The following SUB1 variants were observed in gnomAD, a reference collection of about 807,000 sequenced individuals.
SUB1 encodes the protein activated RNA polymerase II transcriptional coactivator p15.
SUB1 carries 1 observed loss-of-function variant against 16.9 expected under a neutral mutation model. That is an observed-to-expected ratio of 0.06 (90% CI 0.02 to 0.28). The LOEUF (loss-of-function observed/expected upper bound fraction) is 0.28. Among genes scored for constraint, SUB1 ranks in the 10% least tolerant of loss-of-function variants. SUB1 has a pLI of 1.00. For missense variants in SUB1, 84 were observed against 145.2 expected, an observed-to-expected ratio of 0.58 and a Z score of 2.16; for synonymous variants, 51 against 46.9, an observed-to-expected ratio of 1.09 and a Z score of -0.36.
chr5:32,599,114 C>A (rs1403995312), intron 4 of SUB1, 45 bp downstream of exon 4: 4 of 1,454,532 alleles, frequency 2.8e-6, no homozygotes, highest in African/African-American at 2.8e-5. Flanking sequence ...TAGGACTAAA[C>A]GACAACTTTT....
At chr5:32,598,775 T>A in intron 3 of SUB1, 186 bp from the exon 4 acceptor site, 1 of 414,018 alleles carries the variant, frequency 2.4e-6, no homozygotes, top group Non-Finnish European at 4.3e-6. Flanking sequence ...CCAGTATATT[T>A]ATTGAAAAAA....
rs775021800 is a variant in SUB1, at chr5:32,591,537, C to T, written c.73-26C>T. 1.1e-5 allele frequency: 18 copies of T among 1,569,944 alleles called. No individual in the cohort carries two copies. The South Asian group carries it at 2.1e-4, about 19-fold the overall frequency. ...GGGGTATGTTTTATTTTTATGTGTG[C>T]AAATTTTAACCATATTCTTTTCTAG... On this transcript the variant is annotated intron_variant, in intron 2 of 4. Coordinates refer to ENST00000265073, the MANE Select transcript of SUB1 (RefSeq NM_006713.4).
At chr5:32,587,540 C>G (rs1454623899) in intron 1 of SUB1, among the ~76,000 whole-genome samples, 1 of 151,770 alleles carries the variant, frequency 6.6e-6, no homozygotes, top group Non-Finnish European at 1.5e-5. Context: ...TAAATAGGTT[C>G]TTCAAATTTT....
intron 3 of SUB1, among the ~76,000 whole-genome samples, 190 bp downstream of exon 3, chr5:32,591,875 T>G (rs1410692196): frequency 6.6e-6 from 1 of 152,082 alleles, no homozygotes; most frequent in Non-Finnish European, 1.5e-5. Flanking sequence ...AATTTTTGTA[T>G]TTTTAGTAGA....
At chr5:32,591,082 A>T (rs1445196551) in intron 2 of SUB1, among the ~76,000 whole-genome samples, 1 of 152,112 alleles carries the variant, frequency 6.6e-6, no homozygotes, top group Non-Finnish European at 1.5e-5. Flanking sequence ...AAATTCCTTA[A>T]GCCAGCATAA....
chr5:32,595,678 A>G (rs1738943985), intron 3 of SUB1: 1 of 152,198 alleles, frequency 6.6e-6, no homozygotes, highest in African/African-American at 2.4e-5. Flanking sequence ...TACCAGATAC[A>G]TTTGCTGAGT....
intron 3 of SUB1, chr5:32,594,445 A>T (rs1738904885): frequency 3.3e-6 from 1 of 300,488 alleles, no homozygotes; most frequent in Non-Finnish European, 6.9e-6. Context: ...AGTTTATTTG[A>T]TGATTTAAGG....
At chr5:32,596,557 T>C (rs1229785336) in intron 3 of SUB1, 1 of 152,238 alleles carries the variant, frequency 6.6e-6, no homozygotes, top group Non-Finnish European at 1.5e-5. Flanking sequence ...GTAGAATTAA[T>C]TTCTCTGTGT....
chr5:32,589,688 G>A (rs1465478703), intron 2 of SUB1, among the ~76,000 whole-genome samples: 2 of 152,110 alleles, frequency 1.3e-5, no homozygotes, highest in Non-Finnish European at 2.9e-5. Flanking sequence ...GTCTTTTATC[G>A]CATAGAACTT....
intron 1 of SUB1, among the ~76,000 whole-genome samples, chr5:32,586,938 C>T (rs1273093730): frequency 1.3e-5 from 2 of 152,142 alleles, no homozygotes; most frequent in African/African-American, 2.4e-5. Context: ...TATTTTGGAA[C>T]ATATGCAATG....
At chr5:32,592,630 A>T (rs16889953) in intron 3 of SUB1, among the ~76,000 whole-genome samples, 1 of 152,118 alleles carries the variant, frequency 6.6e-6, no homozygotes, top group South Asian at 2.1e-4. Flanking sequence ...AAATTATGCC[A>T]ATTACAAGAT....
intron 1 of SUB1, among the ~76,000 whole-genome samples, 178 bp from the exon 2 acceptor site, chr5:32,588,334 T>C (rs1013915556): frequency 1.3e-5 from 2 of 152,196 alleles, no homozygotes; most frequent in African/African-American, 2.4e-5. Flanking sequence ...CTGCGTGTTA[T>C]TTGCAACTTA....
chr5:32,592,143 A>G (rs1026896983), intron 3 of SUB1, among the ~76,000 whole-genome samples: 3 of 152,262 alleles, frequency 2.0e-5, no homozygotes, highest in African/African-American at 7.2e-5. Context: ...ACAAACTAGT[A>G]AAAGTATTTT....
At chr5:32,592,917 G>A (rs1410442540) in intron 3 of SUB1, among the ~76,000 whole-genome samples, 3 of 152,080 alleles carry the variant, frequency 2.0e-5, no homozygotes, top group Non-Finnish European at 4.4e-5. Context: ...GAGGGTGAAG[G>A]AAAATTAGAA....
chr5:32,586,992 GA>G (rs1181420781), intron 1 of SUB1, among the ~76,000 whole-genome samples: 1 of 152,102 alleles, frequency 6.6e-6, no homozygotes, highest in Non-Finnish European at 1.5e-5. Flanking sequence ...GATTATTTAT[GA>G]TTTTTTTTTA....
chr5:32,589,501 C>T (rs1478746197), intron 2 of SUB1, among the ~76,000 whole-genome samples: 8 of 152,142 alleles, frequency 5.3e-5, no homozygotes, highest in South Asian at 2.1e-4. Context: ...GTGCTCTGGT[C>T]CCTTCCATTT....
chr5:32,588,480 T>C, intron 1 of SUB1, 32 bp from the exon 2 acceptor site: 2 of 1,589,478 alleles, frequency 1.3e-6, no homozygotes, highest in Non-Finnish European at 1.7e-6. Flanking sequence ...GAGTACCTTA[T>C]TAATTATTTT....
rs755822390 is a variant in SUB1, at chr5:32,600,997, TG to T, written c.305-7del. 1.2e-6 allele frequency: 2 copies of T among 1,610,658 alleles called. No individual in the cohort carries two copies. The highest frequency in any genetic ancestry group is 1.3e-5 in the African/African-American group (1 of 74,830). On this transcript the variant is annotated splice_polypyrimidine_tract_variant and splice_region_variant and intron_variant, in intron 4 of 4. Transcript: ENST00000265073. ...TTTTCACCTTTGAATTTTTAAACTT[TG>T]TTTTAGGTATTTCTTTAAATCCAGA...
chr5:32,596,198 TTC>T (rs537505941), intron 3 of SUB1: 17 of 152,370 alleles, frequency 1.1e-4, no homozygotes, highest in African/African-American at 4.1e-4. Context: ...GTGACAGATC[TTC>T]TCTCTCTTGG....
Sources: allele counts gnomAD v4.1 joint callset (sites outside exome capture counted in the v4.1 genomes callset), GRCh38; gene constraint gnomAD v4.1.1; transcripts MANE v1.5; gene names NCBI Gene and HGNC (gene_info 2026-07-23, HGNC 2026-07-21).